The following KIF16B variants were observed in gnomAD, a reference collection of about 807,000 sequenced individuals.
KIF16B encodes the protein kinesin family member 16B, also known as kinesin-like protein KIF16B.
In KIF16B, 98 loss-of-function variants were observed where a neutral mutation model predicts 156.3. That is an observed-to-expected ratio of 0.63 (90% CI 0.53 to 0.74). The LOEUF is 0.74. KIF16B is among the 30% of genes least tolerant of loss of function. The pLI is 0.00. For missense variants in KIF16B, 1,421 were observed against 1,606.5 expected, an observed-to-expected ratio of 0.88 and a Z score of 1.97; for synonymous variants, 564 against 583.7, an observed-to-expected ratio of 0.97 and a Z score of 0.49.
intron 15 of KIF16B, among the ~76,000 whole-genome samples, chr20:16,412,155 C>T (rs1284578021): frequency 6.6e-6 from 1 of 151,746 alleles, no homozygotes; most frequent in African/African-American, 2.4e-5. Context: ...AGAAAGAAAC[C>T]CTCCAAAGCC....
chr20:16,546,477 G>C (rs1272651106), intron 1 of KIF16B, among the ~76,000 whole-genome samples: 1 of 152,172 alleles, frequency 6.6e-6, no homozygotes, highest in Non-Finnish European at 1.5e-5. Flanking sequence ...TAAACCAGTG[G>C]ACAAAACCAA....
intron 15 of KIF16B, among the ~76,000 whole-genome samples, chr20:16,419,207 G>C (rs1271369995): frequency 2.0e-5 from 3 of 152,030 alleles, no homozygotes; most frequent in African/African-American, 7.2e-5. Flanking sequence ...AATAGTTGTT[G>C]AATCAGCCCA....
chr20:16,422,590 G>A (rs535337304), intron 15 of KIF16B, among the ~76,000 whole-genome samples: 4 of 152,056 alleles, frequency 2.6e-5, no homozygotes, highest in Non-Finnish European at 5.9e-5. Context: ...ATGGATGTTT[G>A]GGGGCTATTT....
intron 12 of KIF16B, among the ~76,000 whole-genome samples, chr20:16,476,630 T>C (rs2067821767): frequency 6.6e-6 from 1 of 152,246 alleles, no homozygotes; most frequent in Admixed American, 6.5e-5. Flanking sequence ...AGGTATATCA[T>C]GGGCTAAATC....
At chr20:16,314,450 G>A (rs6111049) in intron 24 of KIF16B, among the ~76,000 whole-genome samples, 1 of 152,158 alleles carries the variant, frequency 6.6e-6, no homozygotes, top group African/African-American at 2.4e-5. Context: ...GTAACACCAA[G>A]GGATGGGTTT....
chr20:16,511,475 A>T lies in KIF16B; in HGVS notation c.499T>A (p.Ser167Thr), dbSNP rs1055537116. 6.2e-7 allele frequency: 1 copy of T among 1,612,914 alleles called. No homozygotes were observed. Among genetic ancestry groups the T allele is most frequent in the Non-Finnish European group, 8.5e-7 (1 of 1,179,384 alleles). The change falls in exon 6 of 26, where the codon TCT becomes ACT. Residue 167 changes from serine to threonine, a missense_variant. Ser to Thr is a moderately conservative substitution (Grantham distance 58, BLOSUM62 1). Coordinates refer to ENST00000354981, the MANE Select transcript of KIF16B (RefSeq NM_024704.5). ...CGGACTCTCAAATTGAAGGTTTTAG[A>T]TGACTTCCGCCGAAGTAGATCTCTC... Reference protein sequence around the residue: ...RVRDLLRRKSSKTFNLRVREH... With the variant: ...RVRDLLRRKSTKTFNLRVREH...
At chr20:16,424,451 C>A (rs893611062) in intron 15 of KIF16B, among the ~76,000 whole-genome samples, 4 of 152,120 alleles carry the variant, frequency 2.6e-5, no homozygotes, top group African/African-American at 9.7e-5. Flanking sequence ...ACTTGGCTAA[C>A]CCTGAATAAA....
In KIF16B at chr20:16,460,524, T is replaced by G. The variant is rs540849484; in HGVS notation, c.1303-30542A>C. On this transcript the variant is annotated intron_variant, in intron 12 of 25. Transcript: ENST00000354981. ...TTGCAGTGAGCGGAGATCGCACCAC[T>G]GCACTCAAGCCTGGATGACAGCAGG... Among the ~76,000 whole-genome samples, 3 of 151,862 alleles carry G rather than the reference T, an allele frequency of 2.0e-5. No homozygotes were observed. In the South Asian group the frequency reaches 6.2e-4, roughly 32 times the overall value.
intron 17 of KIF16B, among the ~76,000 whole-genome samples, chr20:16,393,456 G>T (rs893831350): frequency 4.3e-4 from 66 of 152,306 alleles, no homozygotes; most frequent in African/African-American, 1.6e-3. Context: ...GGGAGTTGCT[G>T]GTGATGGTTA....
Position 16,374,259 on chromosome 20 carries a change from G to A in KIF16B, c.3348C>T (p.Ala1116=). 6.4e-6 allele frequency: 10 copies of A among 1,566,328 alleles called. No homozygotes were observed. The highest frequency in any genetic ancestry group is 7.8e-6 in the Non-Finnish European group (9 of 1,153,346). ...EKSHLVPLMD[A]RINAYIEEEV... Reference sequence around the variant, plus strand: ...GGAATCACTTTCATGTCCAGTACCTGGCATCCATGAGGGGAACCAGGTGTG... The same window carrying A: ...GGAATCACTTTCATGTCCAGTACCTAGCATCCATGAGGGGAACCAGGTGTG... The change falls in exon 20 of 26, where the codon GCC becomes GCT. Residue 1116 remains alanine, a splice_region_variant and synonymous_variant. Transcript: ENST00000354981.
chr20:16,539,519 G>A (rs568543489), intron 1 of KIF16B, among the ~76,000 whole-genome samples: 58 of 152,200 alleles, frequency 3.8e-4, no homozygotes, highest in South Asian at 1.7e-3. Context: ...GTAACTTCTC[G>A]TGAGATCTGG....
chr20:16,335,295 C>A (rs1029705035), intron 24 of KIF16B, among the ~76,000 whole-genome samples: 2 of 152,200 alleles, frequency 1.3e-5, no homozygotes, highest in Admixed American at 6.5e-5. Flanking sequence ...GGAAAACACA[C>A]ATTCCTTCTA....
At chr20:16,470,724 T>G (rs2067639646) in intron 12 of KIF16B, among the ~76,000 whole-genome samples, 1 of 151,548 alleles carries the variant, frequency 6.6e-6, no homozygotes, top group Non-Finnish European at 1.5e-5. Flanking sequence ...CTTGAACTCC[T>G]GGGCTCGAGC....
At chr20:16,316,312 T>C (rs1311973857) in intron 24 of KIF16B, among the ~76,000 whole-genome samples, 1 of 152,158 alleles carries the variant, frequency 6.6e-6, no homozygotes, top group East Asian at 1.9e-4. Flanking sequence ...CAAAAGAATA[T>C]TTTTCTTAAG....
chr20:16,486,096 C>T (rs973824563), intron 12 of KIF16B, among the ~76,000 whole-genome samples: 6 of 152,016 alleles, frequency 3.9e-5, no homozygotes, highest in African/African-American at 7.3e-5. Flanking sequence ...AATCAGAGGA[C>T]GAGACTAGAT....
intron 12 of KIF16B, among the ~76,000 whole-genome samples, chr20:16,452,695 CGTG>C (rs1330732225): frequency 3.3e-5 from 5 of 151,824 alleles, no homozygotes; most frequent in Admixed American, 3.3e-4. Flanking sequence ...ATTAGCTGGG[CGTG>C]GTGGTGGGTG....
At chr20:16,406,995 AT>A (rs1307662341) in intron 15 of KIF16B, among the ~76,000 whole-genome samples, 1 of 152,204 alleles carries the variant, frequency 6.6e-6, no homozygotes, top group Admixed American at 6.5e-5. Flanking sequence ...CTATTTCCAA[AT>A]AAAAACACTG....
At chr20:16,433,835 A>G (rs2066571503) in intron 12 of KIF16B, among the ~76,000 whole-genome samples, 1 of 151,980 alleles carries the variant, frequency 6.6e-6, no homozygotes, top group Non-Finnish European at 1.5e-5. Flanking sequence ...CGAAAAAGTA[A>G]TTTCAGACAA....
chr20:16,403,748 G>T (rs1337653456), intron 17 of KIF16B, among the ~76,000 whole-genome samples: 3 of 152,214 alleles, frequency 2.0e-5, no homozygotes, highest in Admixed American at 6.5e-5. Context: ...TGACACTGAA[G>T]AAATTCCTTG....
Sources: allele counts gnomAD v4.1 joint callset (sites outside exome capture counted in the v4.1 genomes callset), GRCh38; gene constraint gnomAD v4.1.1; transcripts MANE v1.5; gene names NCBI Gene and HGNC (gene_info 2026-07-23, HGNC 2026-07-21).